PFKL: variants seen among roughly 807,000 people sequenced by gnomAD.
The protein encoded by PFKL is phosphofructokinase, liver type.
PFKL carries 74 observed loss-of-function variants against 92.1 expected under a neutral mutation model. The observed-to-expected ratio is 0.80, with a 90% CI of 0.67 to 0.97. The LOEUF (loss-of-function observed/expected upper bound fraction) is 0.97. PFKL is among the 50% of genes least tolerant of loss of function. PFKL has a pLI of 0.00. For missense variants in PFKL, 1,028 were observed against 1,116.6 expected (o/e 0.92, Z 1.13); for synonymous variants, 494 against 456.4 (o/e 1.08, Z -1.05).
intron 3 of PFKL, among the ~76,000 whole-genome samples, chr21:44,311,663 G>A (rs866972553): frequency 6.6e-6 from 1 of 152,320 alleles, no homozygotes; most frequent in African/African-American, 2.4e-5. Context: ...TGGCCGTGCT[G>A]GGTCCTGGGG....
intron 1 of PFKL, among the ~76,000 whole-genome samples, chr21:44,301,948 A>G (rs911941512): frequency 6.6e-6 from 1 of 151,990 alleles, no homozygotes; most frequent in Non-Finnish European, 1.5e-5. Flanking sequence ...CCAGCCTGGC[A>G]GGTGGTTCTT....
chr21:44,312,026 C>A, intron 3 of PFKL, 79 bp from the exon 4 acceptor site: 1 of 1,210,870 alleles, frequency 8.3e-7, no homozygotes, highest in Non-Finnish European at 1.1e-6. Context: ...GCTGCCCAGT[C>A]CTGGGGTCCC....
chr21:44,319,887 C>G, intron 11 of PFKL, 197 bp from the exon 12 acceptor site: 1 of 566,340 alleles, frequency 1.8e-6, no homozygotes, highest in South Asian at 2.1e-5. Flanking sequence ...GCTGGCGTGG[C>G]CTCGTGTTGT....
At chr21:44,313,875 G>C in intron 6 of PFKL, 38 bp from the exon 7 acceptor site, 18 of 1,499,514 alleles carry the variant, frequency 1.2e-5, no homozygotes, top group Non-Finnish European at 1.6e-5. Context: ...TCAACGGCTG[G>C]GTGGGGGTCC....
chr21:44,325,944 GCCTCA>G lies in PFKL; in HGVS notation c.1990-13_1990-9del, dbSNP rs753800078. Reference sequence around the variant, plus strand: ...AGCCCAGGGGAGTCCAGGGAACCGGGCCTCACCTGTTTCCAGGGTGGCGCTCCAAC... The same window carrying G: ...AGCCCAGGGGAGTCCAGGGAACCGGGCCTGTTTCCAGGGTGGCGCTCCAAC... On this transcript the variant is annotated splice_polypyrimidine_tract_variant and intron_variant, in intron 19 of 21. Transcript: ENST00000349048. The G allele has an allele frequency of 6.2e-7, 1 of 1,604,004 alleles. No homozygotes were observed. The highest frequency in any genetic ancestry group is 8.5e-7 in the Non-Finnish European group (1 of 1,172,932).
chr21:44,323,923 G>A lies in PFKL; in HGVS notation c.1650+5G>A, dbSNP rs184200205. On this transcript the variant is annotated splice_donor_5th_base_variant and intron_variant, in intron 16 of 21. Transcript: ENST00000349048. ...GCTGTAAATGCCGCCATGGAGGTAC[G>A]GGGCTCCTGGACACCGGCCTGCCAT... is the stretch of plus-strand genomic sequence containing the variant. 1.3e-5 allele frequency: 21 copies of A among 1,613,098 alleles called. No individual in the cohort carries two copies. The highest frequency in any genetic ancestry group is 4.0e-5 in the African/African-American group (3 of 75,048).
chr21:44,322,467 C>T (rs2146013018), intron 14 of PFKL, among the ~76,000 whole-genome samples: 1 of 152,328 alleles, frequency 6.6e-6, no homozygotes, highest in East Asian at 1.9e-4. Context: ...TCTGTCCCTG[C>T]CTGGCCAGGC....
At chr21:44,325,003 G>A in intron 18 of PFKL, 86 bp downstream of exon 18, 1 of 1,342,694 alleles carries the variant, frequency 7.4e-7, no homozygotes, top group Non-Finnish European at 1.0e-6. Flanking sequence ...CTGGGCAGGA[G>A]AAGGCAGGAG....
chr21:44,323,409 G>A (rs1339059144), intron 15 of PFKL, among the ~76,000 whole-genome samples: 1 of 152,208 alleles, frequency 6.6e-6, no homozygotes, highest in Non-Finnish European at 1.5e-5. Flanking sequence ...CAGAGGTGTA[G>A]GTGCTGGACG....
intron 7 of PFKL, chr21:44,315,993 G>A: frequency 1.9e-6 from 1 of 532,154 alleles, no homozygotes; most frequent in Non-Finnish European, 3.4e-6. Flanking sequence ...TTCCTCCCCT[G>A]CTGCCCTTCC....
At chr21:44,322,261 C>T (rs1416945602) in intron 14 of PFKL, 58 bp downstream of exon 14, 4 of 1,509,652 alleles carry the variant, frequency 2.6e-6, no homozygotes, top group Admixed American at 3.7e-5. Context: ...GTATCCAGGC[C>T]CTGCAGGTGG....
chr21:44,322,299 C>A (rs2047378452), intron 14 of PFKL, 96 bp downstream of exon 14: 1 of 1,197,920 alleles, frequency 8.3e-7, no homozygotes, highest in Non-Finnish European at 1.2e-6. Flanking sequence ...CAGCCCGGGG[C>A]CCTGGGCTCG....
chr21:44,314,778 G>C (rs572919242), intron 7 of PFKL: 1 of 152,350 alleles, frequency 6.6e-6, no homozygotes, highest in Non-Finnish European at 1.5e-5. Flanking sequence ...GTGGACCAGA[G>C]GCACGGGCCA....
At position 44,320,115 on chromosome 21, in the gene PFKL, C is replaced by T; in HGVS notation, c.1159C>T (p.Leu387Phe). 1.2e-6 allele frequency: 2 copies of T among 1,613,518 alleles called. No homozygotes were observed. The highest frequency in any genetic ancestry group is 2.2e-5 in the South Asian group (2 of 91,078). ...SFENNWNIYK[L>F]LAHQKPPKEK... ...CGAGAACAACTGGAACATTTACAAG[C>T]TCCTCGCCCACCAGAAGCCCCCCAA... Residue 387 changes from leucine to phenylalanine, a missense_variant, in exon 12 of 22, where the codon CTC (leucine) becomes TTC (phenylalanine). Coordinates refer to ENST00000349048, the MANE Select transcript of PFKL (RefSeq NM_002626.6).
At chr21:44,320,869 C>T (rs1260553123) in intron 12 of PFKL, 1 of 152,290 alleles carries the variant, frequency 6.6e-6, no homozygotes, top group Non-Finnish European at 1.5e-5. Context: ...CTCCCAAGCC[C>T]CTTGAGCCAC....
In PFKL at chr21:44,326,892, C is replaced by T. The variant is rs761549308; in HGVS notation, c.*30C>T. ...AGCCATGCCCACGCCCCTCCCCAGC[C>T]CCCACCCATGCCAGCGCAGCGCCAG... On this transcript the variant is annotated 3_prime_UTR_variant, in exon 22 of 22. Transcript: ENST00000349048. The T allele has an allele frequency of 1.3e-5, 21 of 1,579,266 alleles. No homozygotes were observed. The South Asian group carries it at 1.8e-4, about 14-fold the overall frequency.
intron 7 of PFKL, 92 bp downstream of exon 7, chr21:44,314,113 C>T: frequency 1.2e-6 from 1 of 840,968 alleles, no homozygotes; most frequent in Non-Finnish European, 1.9e-6. Context: ...ACCAACTCAT[C>T]TATCACTCAT....
rs768409115 is a variant in PFKL, at chr21:44,327,369, G to A, written c.*507G>A. 43 of 171,650 alleles carry A rather than the reference G, an allele frequency of 2.5e-4. No individual in the cohort carries two copies. The highest frequency in any genetic ancestry group is 2.8e-4 in the Non-Finnish European group (22 of 78,122). The allele number at this position is 171,650 out of a possible 1,614,324, so 10.6% of individuals were successfully genotyped here. On this transcript the variant is annotated 3_prime_UTR_variant, in exon 22 of 22. Transcript: ENST00000349048. ...CTGACTGTGGGGTGCATCGGTCTCCGGAGAGCACAGCCTGCAGAACTCCTC... is the reference window on the plus strand; with the variant it reads ...CTGACTGTGGGGTGCATCGGTCTCCAGAGAGCACAGCCTGCAGAACTCCTC...
intron 7 of PFKL, 127 bp from the exon 8 acceptor site, chr21:44,316,117 G>T: frequency 1.2e-6 from 1 of 802,170 alleles, no homozygotes. Flanking sequence ...CCTGCTGGGT[G>T]GGGATTGTGC....
Sources: allele counts gnomAD v4.1 joint callset (sites outside exome capture counted in the v4.1 genomes callset), GRCh38; gene constraint gnomAD v4.1.1; transcripts MANE v1.5; gene names NCBI Gene and HGNC (gene_info 2026-07-23, HGNC 2026-07-21).